Variants in RTTN observed in about 807,000 individuals in gnomAD.
RTTN encodes the protein rotatin.
Under a neutral mutation model 269.2 loss-of-function variants are expected in RTTN, and 182 were observed. The ratio of observed to expected loss-of-function variants is 0.68; its 90% CI spans 0.60 to 0.76. The LOEUF is 0.76. RTTN is among the 30% of genes least tolerant of loss of function. The pLI, the probability that RTTN is intolerant of heterozygous loss-of-function variation, is 0.00. For synonymous variants in RTTN, 1,006 were observed against 963.5 expected (o/e 1.04, Z -0.82); for missense variants, 2,545 against 2,608.6 (o/e 0.98, Z 0.53).
At chr18:70,100,746 G>A (rs183949188) in intron 28 of RTTN, among the ~76,000 whole-genome samples, 14 of 152,136 alleles carry the variant, frequency 9.2e-5, no homozygotes, top group African/African-American at 2.7e-4. Flanking sequence ...TGCGAGATAC[G>A]TCCCATCAAT....
chr18:70,057,664 G>T, intron 37 of RTTN, 78 bp downstream of exon 37: 1 of 988,252 alleles, frequency 1.0e-6, no homozygotes, highest in Non-Finnish European at 1.6e-6. Context: ...CTTTTCCTAT[G>T]ACTAGTATCT....
chr18:70,068,542 G>A (rs556787880), intron 34 of RTTN, among the ~76,000 whole-genome samples: 35 of 152,254 alleles, frequency 2.3e-4, no homozygotes, highest in African/African-American at 6.5e-4. Context: ...CTGTGTCCCC[G>A]CGGAACTTCA....
intron 47 of RTTN, 25 bp from the exon 48 acceptor site, chr18:70,005,292 T>C: frequency 6.3e-7 from 1 of 1,575,780 alleles, no homozygotes; most frequent in Non-Finnish European, 8.7e-7. Flanking sequence ...TAATTAGGTT[T>C]CTTGCCATGT....
At chr18:70,015,844 T>C (rs1343289774) in intron 46 of RTTN, among the ~76,000 whole-genome samples, 1 of 148,318 alleles carries the variant, frequency 6.7e-6, no homozygotes, top group Non-Finnish European at 1.5e-5. Flanking sequence ...AAAAAAAAAA[T>C]CATTCTAAGA....
chr18:70,112,669 A>C (rs1452359692), intron 27 of RTTN, among the ~76,000 whole-genome samples: 1 of 152,160 alleles, frequency 6.6e-6, no homozygotes, highest in Non-Finnish European at 1.5e-5. Context: ...TCATAAAGCA[A>C]GTTCTTAGAG....
chr18:70,136,704 T>G (rs1004337941), intron 21 of RTTN, among the ~76,000 whole-genome samples: 3 of 151,960 alleles, frequency 2.0e-5, no homozygotes, highest in Non-Finnish European at 4.4e-5. Context: ...GTAATGAAAA[T>G]AAGCATTTTT....
At chr18:70,097,509 T>C (rs577310299) in intron 28 of RTTN, among the ~76,000 whole-genome samples, 1 of 152,346 alleles carries the variant, frequency 6.6e-6, no homozygotes, top group African/African-American at 2.4e-5. Context: ...TTAACAAAAG[T>C]GACGGATTCT....
chr18:70,086,780 T>C, intron 31 of RTTN, 96 bp from the exon 32 acceptor site: 1 of 1,123,776 alleles, frequency 8.9e-7, no homozygotes, highest in South Asian at 1.4e-5. Flanking sequence ...ACCAATATAT[T>C]GTAATTAATA....
Position 70,150,014 on chromosome 18 carries a change from T to A in RTTN, c.2129A>T (p.Asn710Ile). ...AGGACAGAGAGATTCAATAAACTTGTTCCAGGTCAATGCTGTCATCATCAA... is the reference window on the plus strand; with the variant it reads ...AGGACAGAGAGATTCAATAAACTTGATCCAGGTCAATGCTGTCATCATCAA... ...GRLMMTALTW[N>I]KFIESLCPVI... Residue 710 changes from asparagine to isoleucine, a missense_variant, in exon 16 of 49, where the codon AAC becomes ATC. Coordinates refer to ENST00000640769, the MANE Select transcript of RTTN (RefSeq NM_173630.4). 6.2e-7 allele frequency: 1 copy of A among 1,613,342 alleles called. No individual in the cohort carries two copies. Among genetic ancestry groups the A allele is most frequent in the Non-Finnish European group, 8.5e-7 (1 of 1,179,410 alleles).
chr18:70,163,069 T>TAAAAAAAAAAAAAAAAAAAAAAAAAA (rs10559303), intron 14 of RTTN, among the ~76,000 whole-genome samples: 1 of 56,968 alleles, frequency 1.8e-5, no homozygotes, highest in African/African-American at 7.1e-5. Flanking sequence ...TTACTATTAT[T>TAAAAAAAAAAAAAAAAAAAAAAAAAA]AAAAAAAAAA....
chr18:70,169,087 A>G lies in RTTN; in HGVS notation c.1477-20T>C. 6.5e-7 allele frequency: 1 copy of G among 1,536,164 alleles called. No homozygotes were observed. Among genetic ancestry groups the G allele is most frequent in the Non-Finnish European group, 8.8e-7 (1 of 1,141,218 alleles). On this transcript the variant is annotated intron_variant, in intron 11 of 48. Transcript: ENST00000640769. ...GCTTGCCTTGGTGAATTAAAAAAAC[A>G]AAAAAATTAAAACTTTGTTTAAAAA...
chr18:70,034,657 C>T (rs1285589115), intron 40 of RTTN, among the ~76,000 whole-genome samples: 1 of 152,162 alleles, frequency 6.6e-6, no homozygotes, highest in Non-Finnish European at 1.5e-5. Flanking sequence ...CCCTCTTTCA[C>T]CATTCCTATT....
rs991405773 is a variant in RTTN, at chr18:70,145,708, T to G, written c.2385A>C (p.Leu795=). Residue 795 remains leucine (L), a synonymous_variant, in exon 18 of 49, where the codon CTA becomes CTC. Transcript: ENST00000640769. The part of the protein sequence containing the change: ...SEEGADTKRP[L]IDARVLSRVT... ...CTCTGGAGAGAACTCTGGCGTCTAT[T>G]AGAGGACGCTTTGTATCAGCCCCTT... 1.2e-6 allele frequency: 2 copies of G among 1,613,412 alleles called. No individual in the cohort carries two copies. Among genetic ancestry groups the G allele is most frequent in the Non-Finnish European group, 8.5e-7 (1 of 1,179,650 alleles).
chr18:70,106,214 G>A (rs1003833117), intron 28 of RTTN, among the ~76,000 whole-genome samples: 15 of 152,120 alleles, frequency 9.9e-5, no homozygotes, highest in Non-Finnish European at 1.9e-4. Context: ...GTGTAGTGGT[G>A]CACACCTGTG....
chr18:70,103,137 G>T (rs1249444035), intron 28 of RTTN, among the ~76,000 whole-genome samples: 1 of 151,284 alleles, frequency 6.6e-6, no homozygotes, highest in Non-Finnish European at 1.5e-5. Context: ...CGTCTGGGAA[G>T]TGAGGATCGC....
At chr18:70,178,589 AT>A (rs148020803) in intron 10 of RTTN, among the ~76,000 whole-genome samples, 11,982 of 152,230 alleles carry the variant, frequency 0.079, 644 homozygotes, top group Middle Eastern at 0.28. Context: ...TAACTATACT[AT>A]AAAAAGTTTA....
chr18:70,172,819 T>C (rs2061177350), intron 11 of RTTN, among the ~76,000 whole-genome samples: 1 of 152,196 alleles, frequency 6.6e-6, no homozygotes, highest in South Asian at 2.1e-4. Context: ...AACTACATGA[T>C]GCAACTGATA....
At chr18:70,102,939 C>T (rs1276023958) in intron 28 of RTTN, among the ~76,000 whole-genome samples, 7 of 149,738 alleles carry the variant, frequency 4.7e-5, no homozygotes, top group Admixed American at 3.3e-4. Context: ...CCGGGCGCCC[C>T]GTCTGGGAAG....
chr18:70,051,900 A>C (rs2057682349), intron 38 of RTTN, among the ~76,000 whole-genome samples: 1 of 152,176 alleles, frequency 6.6e-6, no homozygotes, highest in Non-Finnish European at 1.5e-5. Flanking sequence ...TGTTTGTGCT[A>C]CTTTTGTCAG....
Sources: allele counts gnomAD v4.1 joint callset (sites outside exome capture counted in the v4.1 genomes callset), GRCh38; gene constraint gnomAD v4.1.1; transcripts MANE v1.5; gene names NCBI Gene and HGNC (gene_info 2026-07-23, HGNC 2026-07-21).